The following CDK13 variants were observed in gnomAD, a reference collection of about 807,000 sequenced individuals.
CDK13 encodes the protein cyclin-dependent kinase 13.
Under a neutral mutation model 137.6 loss-of-function variants are expected in CDK13, and 40 were observed. The ratio of observed to expected loss-of-function variants is 0.29; its 90% CI spans 0.23 to 0.38. The LOEUF is 0.38. CDK13 is among the 10% of genes least tolerant of loss of function. The probability of loss-of-function intolerance (pLI) is 1.00; values close to 1 mark genes in which losing one functional copy is unlikely to be tolerated. For synonymous variants in CDK13, 869 were observed against 760.1 expected (o/e 1.14, Z -2.36); for missense variants, 1,704 against 1,951.8 (o/e 0.87, Z 2.39).
intron 5 of CDK13, among the ~76,000 whole-genome samples, chr7:40,042,404 C>G (rs369729903): frequency 3.1e-3 from 465 of 149,018 alleles, no homozygotes; most frequent in African/African-American, 0.011. Context: ...TTTGTAAGAT[C>G]TCATTTTATA....
chr7:39,996,428 A>G (rs1158496810), intron 2 of CDK13, among the ~76,000 whole-genome samples: 3 of 152,222 alleles, frequency 2.0e-5, no homozygotes, highest in Admixed American at 6.5e-5. Context: ...TTGCCAAGTT[A>G]AGATATACTT....
At position 39,961,186 on chromosome 7, in the gene CDK13, C is replaced by A. The variant is rs148363185; in HGVS notation, c.1211+9334C>A. 3.2e-3 allele frequency among the ~76,000 whole-genome samples: 494 copies of A among 152,080 alleles called. 4 individuals are homozygous for A. Among genetic ancestry groups the A allele is most frequent in the African/African-American group, 0.011 (468 of 41,504 alleles). ...CCAGCCTGGCCAACATGGCGAAACC[C>A]CGTCTCTACTAAAAATACAAAACAT... On this transcript the variant is annotated intron_variant, in intron 1 of 13. Coordinates refer to ENST00000181839, the MANE Select transcript of CDK13 (RefSeq NM_003718.5).
At chr7:40,044,411 T>A (rs895959095) in intron 5 of CDK13, among the ~76,000 whole-genome samples, 2 of 151,728 alleles carry the variant, frequency 1.3e-5, no homozygotes, top group African/African-American at 4.8e-5. Context: ...CTCTGCCTCC[T>A]GGGCTCAAGC....
chr7:39,984,283 C>T (rs1343377991), intron 1 of CDK13: 1 of 151,994 alleles, frequency 6.6e-6, no homozygotes, highest in African/African-American at 2.4e-5. Flanking sequence ...TGGTGGCGCA[C>T]ACCTGTTGTC....
chr7:40,094,734 T>C lies in CDK13; in HGVS notation c.4293T>C (p.His1431=). Residue 1431 remains histidine, a synonymous_variant, in exon 14 of 14, where the codon CAT becomes CAC. Coordinates refer to ENST00000181839, the MANE Select transcript of CDK13 (RefSeq NM_003718.5). The stretch of plus-strand genomic sequence containing the variant: ...AGGACCATAGATTTGAATATAGCCA[T>C]GGTCCTATTGCAGTCCTGGCAAACA... ...GDKDHRFEYS[H]GPIAVLANSS... 4.3e-6 allele frequency: 7 copies of C among 1,614,152 alleles called. No homozygotes were observed. Among genetic ancestry groups the C allele is most frequent in the Non-Finnish European group, 5.9e-6 (7 of 1,179,988 alleles).
intron 9 of CDK13, among the ~76,000 whole-genome samples, chr7:40,077,150 A>G (rs1786564220): frequency 6.6e-6 from 1 of 152,206 alleles, no homozygotes; most frequent in Admixed American, 6.5e-5. Flanking sequence ...ATGACTTAAG[A>G]TCAGCAGCAC....
At chr7:40,068,588 G>A (rs1786335709) in intron 9 of CDK13, among the ~76,000 whole-genome samples, 1 of 151,236 alleles carries the variant, frequency 6.6e-6, no homozygotes, top group African/African-American at 2.4e-5. Flanking sequence ...CAGCTACTTG[G>A]AAGGCTGAGG....
At chr7:39,981,740 G>T (rs1268107369) in intron 1 of CDK13, among the ~76,000 whole-genome samples, 1 of 151,560 alleles carries the variant, frequency 6.6e-6, no homozygotes, top group African/African-American at 2.4e-5. Flanking sequence ...GTATGTAGAA[G>T]AATTCAGTTG....
intron 7 of CDK13, chr7:40,048,079 ATCT>A (rs1447476651): frequency 2.1e-5 from 8 of 388,880 alleles, no homozygotes; most frequent in Non-Finnish European, 3.7e-5. Context: ...TTAAAAATTG[ATCT>A]TCAACAGGTA....
rs1786191226 is a variant in CDK13 at position 40,063,113 on chromosome 7, T to C, written c.2780+13T>C. 6.3e-7 allele frequency: 1 copy of C among 1,580,220 alleles called. No homozygotes were observed. The highest frequency in any genetic ancestry group is 1.3e-5 in the African/African-American group (1 of 74,196). On this transcript the variant is annotated intron_variant, in intron 9 of 13. Transcript: ENST00000181839. ...TAGAATTAATAAGGTAAGCTGCTGA[T>C]TATAATATTGGTGGGAATTGGGAGA...
Position 40,094,486 on chromosome 7 carries a change from T to C in CDK13, c.4045T>C (p.Tyr1349His). The C allele has an allele frequency of 6.2e-7, 1 of 1,613,630 alleles. No individual in the cohort carries two copies. The highest frequency in any genetic ancestry group is 8.5e-7 in the Non-Finnish European group (1 of 1,179,974). Reference protein sequence around the residue: ...FGSSSFSSAPYVSNDGLGSSS... With the variant: ...FGSSSFSSAPHVSNDGLGSSS... ...ATCCTCTTCTTTCTCTTCTGCTCCT[T>C]ATGTTAGCAATGATGGTCTAGGAAG... The change falls in exon 14 of 14, where the codon TAT becomes CAT. Residue 1349 changes from tyrosine to histidine, a missense_variant. Coordinates refer to ENST00000181839, the MANE Select transcript of CDK13 (RefSeq NM_003718.5).
Position 40,045,924 on chromosome 7 carries a change from A to T in CDK13, c.2442A>T (p.Ile814=), listed in dbSNP as rs1584033362. 6.2e-7 allele frequency: 1 copy of T among 1,612,912 alleles called. No homozygotes were observed. The highest frequency in any genetic ancestry group is 2.2e-5 in the East Asian group (1 of 44,816). ...SGLVHFNENH[I]KSFMRQLMEG... ...TGGTTCATTTTAATGAAAATCACAT[A>T]AAGTCATTTATGAGACAGCTCATGG... Residue 814 remains isoleucine, a synonymous_variant, in exon 6 of 14, where the codon ATA becomes ATT. Transcript: ENST00000181839.
At chr7:40,057,833 T>C (rs1786054492) in intron 7 of CDK13, among the ~76,000 whole-genome samples, 1 of 152,166 alleles carries the variant, frequency 6.6e-6, no homozygotes, top group African/African-American at 2.4e-5. Flanking sequence ...TTAAAAGTTA[T>C]TTTTCTTGGA....
Position 39,996,965 on chromosome 7 carries a change from AAAAAAAAAAAAG to A in CDK13, c.1872-511_1872-500del, listed in dbSNP as rs1007081593. On this transcript the variant is annotated intron_variant, in intron 2 of 13. Coordinates refer to ENST00000181839, the MANE Select transcript of CDK13 (RefSeq NM_003718.5). ...GGTGACAGTGAGATTCCATCTCAAA[AAAAAAAAAAAAG>A]AAAAAAAAAAAGAAAAATGCTTTGC... 2.0e-4 allele frequency among the ~76,000 whole-genome samples: 29 copies of A among 146,254 alleles called. 2 individuals are homozygous for A. The highest frequency in any genetic ancestry group is 4.3e-4 in the South Asian group (2 of 4,704).
intron 9 of CDK13, chr7:40,066,729 G>A (rs1786288030): frequency 6.6e-6 from 1 of 152,188 alleles, no homozygotes; most frequent in South Asian, 2.1e-4. Flanking sequence ...AATCCTTGAT[G>A]ATGTGTTATG....
intron 5 of CDK13, among the ~76,000 whole-genome samples, chr7:40,023,780 C>T (rs906310864): frequency 3.9e-5 from 6 of 152,244 alleles, no homozygotes; most frequent in South Asian, 4.1e-4. Context: ...CCACCACGCC[C>T]GGCCCTGGAT....
intron 11 of CDK13, among the ~76,000 whole-genome samples, chr7:40,080,573 A>G (rs1037244298): frequency 6.6e-6 from 1 of 152,108 alleles, no homozygotes; most frequent in African/African-American, 2.4e-5. Flanking sequence ...ATCATGAGGG[A>G]CCTGAATTTT....
rs1487126076 is a variant in CDK13, at chr7:40,096,253, TGA to T, written c.*1280_*1281del. On this transcript the variant is annotated 3_prime_UTR_variant, in exon 14 of 14. Transcript: ENST00000181839. The stretch of plus-strand genomic sequence containing the variant: ...TTATTGAAGCAAAAAGAAAAGGCAA[TGA>T]GAGAGAACTTTTATCTTCCTTCCTG... The T allele has an allele frequency of 2.0e-5, 3 of 152,148 alleles. No homozygotes were observed. The highest frequency in any genetic ancestry group is 4.4e-5 in the Non-Finnish European group (3 of 68,012). 9.4% of individuals were successfully genotyped at this position (152,148 alleles called of 1,614,324 possible). A position where few individuals can be genotyped will look rare whatever the true frequency, so the allele number is the denominator to read the frequency against.
At chr7:40,000,553 A>G (rs1383815271) in intron 4 of CDK13, among the ~76,000 whole-genome samples, 1 of 152,202 alleles carries the variant, frequency 6.6e-6, no homozygotes, top group African/African-American at 2.4e-5. Flanking sequence ...AAAGAAAGAA[A>G]CAAATAGATT....
Sources: gnomAD v4.1 joint callset for allele counts (sites outside exome capture counted in the v4.1 genomes callset) on GRCh38, gnomAD v4.1.1 for gene constraint, MANE v1.5 for transcripts, NCBI Gene and HGNC (gene_info 2026-07-23, HGNC 2026-07-21) for gene names.